The following VWA3B variants were observed in gnomAD, a reference collection of about 807,000 sequenced individuals.
VWA3B encodes the protein von Willebrand factor A domain containing 3B, also known as von Willebrand factor A domain-containing protein 3B.
In VWA3B, 138 loss-of-function variants were observed where a neutral mutation model predicts 158.3. The ratio of observed to expected loss-of-function variants is 0.87; its 90% CI spans 0.76 to 1.00. The LOEUF (loss-of-function observed/expected upper bound fraction) is 1.00, where lower values mean the gene tolerates loss of function less well. Ranked by LOEUF, VWA3B falls within the 50% of genes least tolerant of loss-of-function variation. VWA3B has a pLI of 0.00. For synonymous variants in VWA3B, 596 were observed against 587.3 expected (o/e 1.01, Z -0.21); for missense variants, 1,555 against 1,565.1 (o/e 0.99, Z 0.11).
At chr2:98,271,237 C>T (rs569949007) in intron 22 of VWA3B, among the ~76,000 whole-genome samples, 2 of 152,192 alleles carry the variant, frequency 1.3e-5, no homozygotes, top group South Asian at 2.1e-4. Flanking sequence ...CTCTTTAAAC[C>T]TCAGTTTTCT....
chr2:98,147,082 GAT>G (rs1273682444), intron 7 of VWA3B, among the ~76,000 whole-genome samples: 2 of 152,184 alleles, frequency 1.3e-5, no homozygotes, highest in Non-Finnish European at 2.9e-5. Flanking sequence ...TTGAAAGCAT[GAT>G]ATACAATTGT....
intron 7 of VWA3B, among the ~76,000 whole-genome samples, chr2:98,135,334 T>C (rs940246580): frequency 0.21 from 25,350 of 118,978 alleles, 2,710 homozygotes; most frequent in Non-Finnish European, 0.25. Context: ...TCTTTTTTTT[T>C]TTTTTTTTTT....
intron 12 of VWA3B, among the ~76,000 whole-genome samples, chr2:98,209,262 C>G (rs759858825): frequency 1.3e-5 from 2 of 151,782 alleles, no homozygotes; most frequent in African/African-American, 2.4e-5. Context: ...TATCTTTAAC[C>G]AAATTTGTTT....
At chr2:98,181,854 T>A (rs1680612363) in intron 9 of VWA3B, among the ~76,000 whole-genome samples, 8 of 152,118 alleles carry the variant, frequency 5.3e-5, no homozygotes, top group Admixed American at 5.2e-4. Flanking sequence ...GCTCAAGAAT[T>A]TGCATCCATA....
chr2:98,163,539 AAACAAC>A (rs752638213), intron 8 of VWA3B, among the ~76,000 whole-genome samples: 4 of 152,010 alleles, frequency 2.6e-5, no homozygotes, highest in Admixed American at 2.6e-4. Context: ...TCTGTCTCAA[AAACAAC>A]AACAACAACA....
rs150596264 is a variant in VWA3B, at chr2:98,135,982, TG to T, written c.988+2048del. The stretch of plus-strand genomic sequence containing the variant: ...TTCCTCAGGCCACCCTCTCGTTTGG[TG>T]GGGGAGTGACTTCTTACATTATTTC... On this transcript the variant is annotated intron_variant, in intron 7 of 27. Transcript: ENST00000477737. Among the ~76,000 whole-genome samples, 1,442 of 152,286 alleles carry T rather than the reference TG, an allele frequency of 9.5e-3. 38 individuals are homozygous for T. The highest frequency in any genetic ancestry group is 0.033 in the African/African-American group (1,378 of 41,560).
At chr2:98,298,091 C>A in intron 24 of VWA3B, 60 bp downstream of exon 24, 1 of 1,375,702 alleles carries the variant, frequency 7.3e-7, no homozygotes, top group Non-Finnish European at 9.5e-7. Flanking sequence ...TTTTGAATAA[C>A]AGAACGCCAA....
At chr2:98,290,224 G>A (rs1689405076) in intron 22 of VWA3B, among the ~76,000 whole-genome samples, 1 of 152,154 alleles carries the variant, frequency 6.6e-6, no homozygotes, top group Admixed American at 6.5e-5. Flanking sequence ...TATTCACATG[G>A]CCAGCATGAG....
At position 98,153,427 on chromosome 2, in the gene VWA3B, T is replaced by G. The variant is rs532752264; in HGVS notation, c.989-9424T>G. ...ATTCTACCTTCAGAAACTGTGCTTT[T>G]TGTGTTGGTGGAGAAAAATGCATGA... is the stretch of plus-strand genomic sequence containing the variant. On this transcript the variant is annotated intron_variant, in intron 7 of 27. Transcript: ENST00000477737. Among the ~76,000 whole-genome samples the G allele has an allele frequency of 7.7e-4, 118 of 152,304 alleles. 1 individual carries two copies. The highest frequency in any genetic ancestry group is 2.5e-3 in the African/African-American group (105 of 41,574).
intron 7 of VWA3B, among the ~76,000 whole-genome samples, chr2:98,139,253 G>A (rs1456448059): frequency 2.6e-5 from 4 of 152,194 alleles, no homozygotes; most frequent in Non-Finnish European, 5.9e-5. Context: ...GGCAGGCCTC[G>A]GGACTGCAGC....
At chr2:98,172,132 A>AG (rs1679643166) in intron 8 of VWA3B, among the ~76,000 whole-genome samples, 1 of 152,254 alleles carries the variant, frequency 6.6e-6, no homozygotes, top group Non-Finnish European at 1.5e-5. Context: ...TCGCAAGGAC[A>AG]GAGGCTTTCT....
intron 12 of VWA3B, among the ~76,000 whole-genome samples, chr2:98,196,141 G>T (rs1682019748): frequency 6.6e-6 from 1 of 152,186 alleles, no homozygotes; most frequent in Non-Finnish European, 1.5e-5. Flanking sequence ...ATGGGGAGAT[G>T]TTGGTCAAAG....
chr2:98,256,167 A>G lies in VWA3B; in HGVS notation c.2836A>G (p.Lys946Glu), dbSNP rs754716911. ...TTGGCGAGCATTATCTCAAGAGGAA[A>G]AAGAAAAGTAAGCCATTCCATTCCC... Reference protein sequence around the residue: ...IVWRALSQEEKEKLDANKPIQ... With the variant: ...IVWRALSQEEEEKLDANKPIQ... The change falls in exon 21 of 28, where the codon AAA (lysine) becomes GAA (glutamate). Residue 946 changes from lysine (K) to glutamate (E), a missense_variant. Physicochemically the swap from Lys to Glu is moderately conservative, Grantham distance 56. Transcript: ENST00000477737. The G allele has an allele frequency of 6.2e-7, 1 of 1,611,370 alleles. No individual in the cohort carries two copies.
At chr2:98,259,023 G>T (rs1038973703) in intron 21 of VWA3B, among the ~76,000 whole-genome samples, 3 of 151,662 alleles carry the variant, frequency 2.0e-5, no homozygotes, top group African/African-American at 7.2e-5. Flanking sequence ...CTATTGAAAT[G>T]ATCATGGATT....
In VWA3B at chr2:98,139,389, C is replaced by T. The variant is rs756570237; in HGVS notation, c.988+5450C>T. On this transcript the variant is annotated intron_variant, in intron 7 of 27. Coordinates refer to ENST00000477737, the MANE Select transcript of VWA3B (RefSeq NM_144992.5). ...CCACCCAAGCGCTGAGGAGTGCGGGCGCACGGTGCAGGACTGGCAGGCAGC... is the reference window on the plus strand; with the variant it reads ...CCACCCAAGCGCTGAGGAGTGCGGGTGCACGGTGCAGGACTGGCAGGCAGC... 6.6e-5 allele frequency among the ~76,000 whole-genome samples: 10 copies of T among 152,238 alleles called. No individual in the cohort carries two copies. The East Asian group carries it at 7.7e-4, about 12-fold the overall frequency.
intron 8 of VWA3B, among the ~76,000 whole-genome samples, chr2:98,163,354 A>G (rs1298550287): frequency 6.6e-6 from 1 of 152,152 alleles, no homozygotes; most frequent in Middle Eastern, 3.2e-3. Flanking sequence ...CCTGGCCAAC[A>G]TGGTGAAACC....
intron 3 of VWA3B, 24 bp downstream of exon 3, chr2:98,115,770 G>A (rs1445957351): frequency 1.3e-6 from 2 of 1,571,054 alleles, no homozygotes; most frequent in Non-Finnish European, 1.7e-6. Flanking sequence ...CCCTCAATGC[G>A]CAGTCCTGTG....
At chr2:98,276,770 G>T (rs780061215) in intron 22 of VWA3B, among the ~76,000 whole-genome samples, 1 of 152,182 alleles carries the variant, frequency 6.6e-6, no homozygotes, top group East Asian at 1.9e-4. Flanking sequence ...GGCTGCCCAT[G>T]TGTGTCCAGA....
At chr2:98,198,471 G>C (rs1479088048) in intron 12 of VWA3B, among the ~76,000 whole-genome samples, 1 of 151,848 alleles carries the variant, frequency 6.6e-6, no homozygotes, top group Non-Finnish European at 1.5e-5. Context: ...GACACAGTTA[G>C]ACTCATTGGT....
Sources: gnomAD v4.1 joint callset for allele counts (sites outside exome capture counted in the v4.1 genomes callset) on GRCh38, gnomAD v4.1.1 for gene constraint, MANE v1.5 for transcripts, NCBI Gene and HGNC (gene_info 2026-07-23, HGNC 2026-07-21) for gene names.